Variants in SCN11A observed in about 807,000 individuals in gnomAD.
The protein encoded by SCN11A is sodium voltage-gated channel alpha subunit 11.
SCN11A carries 122 observed loss-of-function variants against 162.2 expected under a neutral mutation model. The ratio of observed to expected loss-of-function variants is 0.75; its 90% CI spans 0.65 to 0.87. The LOEUF (loss-of-function observed/expected upper bound fraction) is 0.87. SCN11A is among the 40% of genes least tolerant of loss of function. The probability of loss-of-function intolerance (pLI) is 0.00; values close to 1 mark genes in which losing one functional copy is unlikely to be tolerated. For synonymous variants in SCN11A, 758 were observed against 751.5 expected (o/e 1.01, Z -0.14); for missense variants, 2,015 against 2,181.6 (o/e 0.92, Z 1.52).
chr3:38,986,398 T>C (rs2030244956), intron 2 of SCN11A, among the ~76,000 whole-genome samples: 1 of 150,212 alleles, frequency 6.7e-6, no homozygotes, highest in African/African-American at 2.4e-5. Context: ...GAATGGAGAC[T>C]TCAGTGGAGC....
At chr3:38,994,979 G>C (rs1446638599) in intron 2 of SCN11A, among the ~76,000 whole-genome samples, 2 of 151,876 alleles carry the variant, frequency 1.3e-5, no homozygotes, top group East Asian at 3.9e-4. Flanking sequence ...CTACCTCCTC[G>C]CATCTACATT....
At chr3:38,904,258 A>G (rs1304662010) in intron 15 of SCN11A, among the ~76,000 whole-genome samples, 155 bp from the exon 16 acceptor site, 1 of 152,140 alleles carries the variant, frequency 6.6e-6, no homozygotes, top group Non-Finnish European at 1.5e-5. Flanking sequence ...AGGTTTTTCC[A>G]CCAATCTTAG....
At chr3:38,879,911 T>TA (rs749211520) in intron 23 of SCN11A, 39 bp downstream of exon 23, 6 of 1,569,974 alleles carry the variant, frequency 3.8e-6, no homozygotes, top group Non-Finnish European at 1.7e-6. Flanking sequence ...CCTTAACCAC[T>TA]ACCCCAGCCT....
At chr3:39,011,571 T>G (rs528696236) in intron 2 of SCN11A, among the ~76,000 whole-genome samples, 1 of 152,364 alleles carries the variant, frequency 6.6e-6, no homozygotes, top group African/African-American at 2.4e-5. Flanking sequence ...AAAGGACATA[T>G]GATAAGATAT....
At chr3:38,878,309 T>C (rs1226747500) in intron 23 of SCN11A, among the ~76,000 whole-genome samples, 1 of 152,082 alleles carries the variant, frequency 6.6e-6, no homozygotes, top group African/African-American at 2.4e-5. Flanking sequence ...CTTTCTATTA[T>C]GTATTCAGTG....
chr3:38,867,662 G>A (rs1398270451), intron 26 of SCN11A, among the ~76,000 whole-genome samples: 1 of 152,240 alleles, frequency 6.6e-6, no homozygotes, highest in Admixed American at 6.5e-5. Context: ...GCGGGGACCT[G>A]GGGTGATGGA....
intron 2 of SCN11A, among the ~76,000 whole-genome samples, chr3:39,026,409 C>T (rs182678309): frequency 1.8e-4 from 28 of 152,298 alleles, no homozygotes; most frequent in Non-Finnish European, 1.5e-5. Context: ...ACTACAACCT[C>T]GCCGGGTCGT....
chr3:38,865,468 T>C (rs371360692), intron 27 of SCN11A, among the ~76,000 whole-genome samples: 72 of 152,200 alleles, frequency 4.7e-4, no homozygotes, highest in African/African-American at 1.7e-3. Context: ...GAAGGCTAAT[T>C]GGTATCAAGG....
At chr3:39,022,861 A>G (rs1383851220) in intron 2 of SCN11A, among the ~76,000 whole-genome samples, 23 of 152,060 alleles carry the variant, frequency 1.5e-4, no homozygotes, top group Admixed American at 5.2e-4. Flanking sequence ...CCTGGGTGAC[A>G]GAGCAAGACC....
chr3:38,945,317 A>C, intron 7 of SCN11A, 94 bp downstream of exon 7: 1 of 768,066 alleles, frequency 1.3e-6, no homozygotes, highest in Non-Finnish European at 2.2e-6. Flanking sequence ...TAGAATTATT[A>C]GTGACTTTTT....
chr3:38,952,213 C>T (rs1465088559), intron 4 of SCN11A, among the ~76,000 whole-genome samples: 1 of 152,036 alleles, frequency 6.6e-6, no homozygotes, highest in Non-Finnish European at 1.5e-5. Flanking sequence ...AAGAACCCAC[C>T]AATTCCGGAC....
intron 19 of SCN11A, among the ~76,000 whole-genome samples, chr3:38,892,993 T>C (rs1296617948): frequency 6.6e-6 from 1 of 151,964 alleles, no homozygotes; most frequent in East Asian, 1.9e-4. Flanking sequence ...CAGGAAAATA[T>C]GAGAAGTAAA....
chr3:38,871,544 A>G lies in SCN11A; in HGVS notation c.3660T>C (p.Ile1220=), dbSNP rs1456986502. Residue 1220 remains isoleucine (I), a synonymous_variant, in exon 25 of 30, where the codon ATT becomes ATC. Coordinates refer to ENST00000302328, the MANE Select transcript of SCN11A (RefSeq NM_001349253.2). ...CACTTTCACATTGACTTTTATTTGT[A>G]ATGATGGTATAATTTATAACTGAGT... ...GTDSVINYTI[I]TNKSQCESGN... is the part of the protein sequence containing the mutation. 1.2e-6 allele frequency: 2 copies of G among 1,612,574 alleles called. No homozygotes were observed. The highest frequency in any genetic ancestry group is 1.7e-6 in the Non-Finnish European group (2 of 1,179,098).
At chr3:39,043,689 G>A (rs2032113338) in intron 1 of SCN11A, among the ~76,000 whole-genome samples, 2 of 152,040 alleles carry the variant, frequency 1.3e-5, no homozygotes, top group African/African-American at 4.8e-5. Context: ...GGGTAGTTGG[G>A]GGTGGGTGGT....
intron 2 of SCN11A, among the ~76,000 whole-genome samples, chr3:39,003,639 CTTCCACCAACAGTGTATGTG>C (rs2030881882): frequency 1.3e-5 from 2 of 152,184 alleles, no homozygotes; most frequent in South Asian, 4.1e-4. Flanking sequence ...CTAATTTACA[CTTCCACCAACAGTGTATGTG>C]TTCCCTTTTC....
intron 2 of SCN11A, among the ~76,000 whole-genome samples, chr3:39,002,868 G>A (rs1355337183): frequency 6.6e-6 from 1 of 152,196 alleles, no homozygotes; most frequent in African/African-American, 2.4e-5. Context: ...GAGTCAAGCT[G>A]AACTGCTGCA....
At chr3:38,968,202 C>T (rs2125586009) in intron 2 of SCN11A, among the ~76,000 whole-genome samples, 1 of 152,324 alleles carries the variant, frequency 6.6e-6, no homozygotes, top group African/African-American at 2.4e-5. Context: ...CTGGTTTTCT[C>T]TGATCCTAGT....
chr3:38,879,975 C>T lies in SCN11A; in HGVS notation c.3368G>A (p.Cys1123Tyr), dbSNP rs1169309347. The T allele has an allele frequency of 3.1e-6, 5 of 1,612,986 alleles. No homozygotes were observed. The highest frequency in any genetic ancestry group is 1.3e-5 in the African/African-American group (1 of 75,004). ...GFGKYFTSAW[C>Y]CLDFIIVIVS... is the part of the protein sequence containing the mutation. ...AATCACAATGATGAAATCAAGGCAG[C>T]ACCAGGCACTGGTGAAATACTTTCC... The change falls in exon 23 of 30, where the codon TGC becomes TAC. Residue 1123 changes from cysteine (C) to tyrosine (Y), a missense_variant. Coordinates refer to ENST00000302328, the MANE Select transcript of SCN11A (RefSeq NM_001349253.2).
chr3:39,048,855 T>C (rs1440805429), intron 1 of SCN11A, among the ~76,000 whole-genome samples: 1 of 152,236 alleles, frequency 6.6e-6, no homozygotes, highest in Non-Finnish European at 1.5e-5. Flanking sequence ...CAAATAGTGC[T>C]GTGGAAAGAT....
Sources: allele counts gnomAD v4.1 joint callset (sites outside exome capture counted in the v4.1 genomes callset), GRCh38; gene constraint gnomAD v4.1.1; transcripts MANE v1.5; gene names NCBI Gene and HGNC (gene_info 2026-07-23, HGNC 2026-07-21).